Variants in FMNL2 observed in about 807,000 individuals in gnomAD.
FMNL2 encodes the protein formin-like protein 2.
FMNL2 carries 51 observed loss-of-function variants against 130.2 expected under a neutral mutation model. The ratio of observed to expected loss-of-function variants is 0.39; its 90% CI spans 0.31 to 0.49. The LOEUF is 0.49. Among genes scored for constraint, FMNL2 ranks in the 20% least tolerant of loss-of-function variants. FMNL2 has a pLI of 0.85. For synonymous variants in FMNL2, 465 were observed against 467.1 expected (o/e 1.00, Z 0.06); for missense variants, 977 against 1,316.2 (o/e 0.74, Z 3.99).
chr2:152,458,031 GTCTT>G (rs1689049682), intron 1 of FMNL2, among the ~76,000 whole-genome samples: 1 of 152,070 alleles, frequency 6.6e-6, no homozygotes, highest in Non-Finnish European at 1.5e-5. Context: ...CTTTCACAAG[GTCTT>G]TAACTTTAAT....
At position 152,521,961 on chromosome 2, in the gene FMNL2, C is replaced by T. The variant is rs764493438; in HGVS notation, c.136C>T (p.Pro46Ser). The change falls in exon 2 of 26, where the codon CCT becomes TCT. Residue 46 changes from proline to serine, a missense_variant. Physicochemically the swap from Pro to Ser is moderately conservative, Grantham distance 74. Transcript: ENST00000288670. Reference protein sequence around the residue: ...AIVLNAMNLPPDKARLLRQYD... With the variant: ...AIVLNAMNLPSDKARLLRQYD... ...TAAACAGAATGCTATGAACCTACCTCCTGACAAAGCCAGGTTACTGCGGCA... is the reference window on the plus strand; with the variant it reads ...TAAACAGAATGCTATGAACCTACCTTCTGACAAAGCCAGGTTACTGCGGCA... 1 of 1,612,898 alleles carries T rather than the reference C, an allele frequency of 6.2e-7. No individual in the cohort carries two copies. The highest frequency in any genetic ancestry group is 1.1e-5 in the South Asian group (1 of 90,866).
At chr2:152,643,308 C>G (rs1033199351) in intron 25 of FMNL2, 35 of 1,452,566 alleles carry the variant, frequency 2.4e-5, no homozygotes, top group Non-Finnish European at 3.2e-5. Flanking sequence ...CCATCTTCCC[C>G]ACCCCCATCC....
At chr2:152,613,608 G>T (rs1698796892) in intron 11 of FMNL2, among the ~76,000 whole-genome samples, 1 of 152,166 alleles carries the variant, frequency 6.6e-6, no homozygotes, top group African/African-American at 2.4e-5. Context: ...TCTTAAAAAT[G>T]TAAGATTTTT....
At chr2:152,421,580 A>C (rs972096242) in intron 1 of FMNL2, among the ~76,000 whole-genome samples, 2 of 152,200 alleles carry the variant, frequency 1.3e-5, no homozygotes, top group African/African-American at 2.4e-5. Flanking sequence ...TCTGCCTCCC[A>C]AAATCCTCCT....
At chr2:152,450,460 A>C (rs896284109) in intron 1 of FMNL2, among the ~76,000 whole-genome samples, 10 of 152,238 alleles carry the variant, frequency 6.6e-5, no homozygotes, top group Admixed American at 1.3e-4. Flanking sequence ...AAATTTAGTA[A>C]GACATTTCAG....
At position 152,507,844 on chromosome 2, in the gene FMNL2, A is replaced by G. The variant is rs577988188; in HGVS notation, c.118-14099A>G. Among the ~76,000 whole-genome samples the G allele has an allele frequency of 1.2e-4, 19 of 152,218 alleles. No homozygotes were observed. The East Asian group carries it at 3.5e-3, about 28-fold the overall frequency. On this transcript the variant is annotated intron_variant, in intron 1 of 25. Coordinates refer to ENST00000288670, the MANE Select transcript of FMNL2 (RefSeq NM_052905.4). ...ACTCAGAGAAATTTAGTTACTTGCC[A>G]GAGTGAACAGCTAGTAATTGGAATT...
At chr2:152,336,096 AC>A (rs1178891714) in intron 1 of FMNL2, among the ~76,000 whole-genome samples, 39 of 126,376 alleles carry the variant, frequency 3.1e-4, no homozygotes, top group African/African-American at 1.1e-3. Context: ...TTTAAAAAAA[AC>A]AAAACAAAAC....
chr2:152,336,882 T>C (rs977957739), intron 1 of FMNL2, among the ~76,000 whole-genome samples: 1 of 152,224 alleles, frequency 6.6e-6, no homozygotes, highest in African/African-American at 2.4e-5. Flanking sequence ...CTGCGGGTTT[T>C]CTTTTCTTCT....
intron 2 of FMNL2, among the ~76,000 whole-genome samples, chr2:152,537,514 T>A (rs1694058235): frequency 6.6e-6 from 1 of 152,238 alleles, no homozygotes; most frequent in South Asian, 2.1e-4. Context: ...TCTTTGGCTC[T>A]GACGTGAGCT....
chr2:152,469,642 C>G (rs1386854540), intron 1 of FMNL2, among the ~76,000 whole-genome samples: 1 of 152,154 alleles, frequency 6.6e-6, no homozygotes, highest in African/African-American at 2.4e-5. Context: ...CCTTATGCTC[C>G]GCTTGGAGAG....
chr2:152,576,938 A>G (rs1458767115), intron 7 of FMNL2, among the ~76,000 whole-genome samples: 1 of 152,222 alleles, frequency 6.6e-6, no homozygotes, highest in African/African-American at 2.4e-5. Flanking sequence ...AGAGCTTTAG[A>G]GGCCGCTGAG....
At chr2:152,381,891 A>G (rs1357161621) in intron 1 of FMNL2, among the ~76,000 whole-genome samples, 3 of 151,508 alleles carry the variant, frequency 2.0e-5, no homozygotes, top group East Asian at 3.9e-4. Flanking sequence ...CACTGCAGCC[A>G]GGCTCAATAG....
chr2:152,448,405 T>A (rs2106159642), intron 1 of FMNL2, among the ~76,000 whole-genome samples: 1 of 152,270 alleles, frequency 6.6e-6, no homozygotes, highest in South Asian at 2.1e-4. Context: ...TGAGTAATGT[T>A]CAAACAAGAG....
chr2:152,646,740 T>A (rs1300113238), intron 25 of FMNL2, among the ~76,000 whole-genome samples: 1 of 152,216 alleles, frequency 6.6e-6, no homozygotes, highest in Non-Finnish European at 1.5e-5. Context: ...ATAGCATGTA[T>A]TCTAGCAGAA....
At position 152,591,692 on chromosome 2, in the gene FMNL2, G is replaced by A. The variant is rs147655476; in HGVS notation, c.876+10643G>A. On this transcript the variant is annotated intron_variant, in intron 9 of 25. Coordinates refer to ENST00000288670, the MANE Select transcript of FMNL2 (RefSeq NM_052905.4). ...ATGTTGGTGCACGCTTGTGGTCCCC[G>A]GTACTCAGGAGGCTGAAGCCAGAGG... is the stretch of plus-strand genomic sequence containing the variant. 1.7e-4 allele frequency among the ~76,000 whole-genome samples: 26 copies of A among 152,290 alleles called. No homozygotes were observed. In the East Asian group the frequency reaches 4.2e-3, roughly 25 times the overall value.
chr2:152,511,759 T>C (rs1411403341), intron 1 of FMNL2, among the ~76,000 whole-genome samples: 1 of 152,046 alleles, frequency 6.6e-6, no homozygotes, highest in Admixed American at 6.6e-5. Context: ...ATTACAGATA[T>C]GTTGCTGGGA....
intron 21 of FMNL2, 70 bp from the exon 22 acceptor site, chr2:152,636,357 C>T (rs1008224208): frequency 1.3e-6 from 2 of 1,506,610 alleles, no homozygotes; most frequent in Non-Finnish European, 1.8e-6. Flanking sequence ...GAACTTGGCC[C>T]AGCAGCCAGA....
intron 1 of FMNL2, among the ~76,000 whole-genome samples, chr2:152,371,752 A>G (rs1318762443): frequency 6.6e-6 from 1 of 151,754 alleles, no homozygotes. Context: ...TTTTGCCTTC[A>G]TGCATGAATT....
chr2:152,414,803 A>G (rs1686516754), intron 1 of FMNL2, among the ~76,000 whole-genome samples: 1 of 152,190 alleles, frequency 6.6e-6, no homozygotes, highest in African/African-American at 2.4e-5. Context: ...TTCTTTTCCT[A>G]ACTCTGAGGT....
Sources: gnomAD v4.1 joint callset for allele counts (sites outside exome capture counted in the v4.1 genomes callset) on GRCh38, gnomAD v4.1.1 for gene constraint, MANE v1.5 for transcripts, NCBI Gene and HGNC (gene_info 2026-07-23, HGNC 2026-07-21) for gene names.